Variants in ERBIN observed in about 807,000 individuals in gnomAD.
The protein encoded by ERBIN is densin-180-like protein.
In ERBIN, 60 loss-of-function variants were observed where a neutral mutation model predicts 158.4. That is an observed-to-expected ratio of 0.38 (90% CI 0.31 to 0.47). The LOEUF is 0.47. ERBIN is among the 20% of genes least tolerant of loss of function. The pLI is 0.99. For synonymous variants in ERBIN, 594 were observed against 557.2 expected (o/e 1.07, Z -0.93); for missense variants, 1,610 against 1,648.0 (o/e 0.98, Z 0.40).
At chr5:66,064,544 C>T (rs1303316996) in intron 21 of ERBIN, among the ~76,000 whole-genome samples, 1 of 152,086 alleles carries the variant, frequency 6.6e-6, no homozygotes, top group Non-Finnish European at 1.5e-5. Flanking sequence ...AGAGGAATGA[C>T]TTTAAAAGCC....
At chr5:66,069,512 G>A (rs1469211253) in intron 21 of ERBIN, among the ~76,000 whole-genome samples, 1 of 152,170 alleles carries the variant, frequency 6.6e-6, no homozygotes, top group Non-Finnish European at 1.5e-5. Flanking sequence ...AAGTGTCAGT[G>A]AAAAGACAAA....
At position 65,965,895 on chromosome 5, in the gene ERBIN, A is replaced by C. The variant is rs144069025; in HGVS notation, c.-57-22740A>C. Among the ~76,000 whole-genome samples the C allele has an allele frequency of 7.6e-3, 1,158 of 152,344 alleles. 7 individuals carry two copies. Among genetic ancestry groups the C allele is most frequent in the South Asian group, 0.038 (184 of 4,826 alleles). On this transcript the variant is annotated intron_variant, in intron 1 of 25. Transcript: ENST00000284037. Reference sequence around the variant, plus strand: ...CCAGACATCTTGTATATATTTAGTCATGCCTGTATCCTCTTGATAAATCCA... The same window carrying C: ...CCAGACATCTTGTATATATTTAGTCCTGCCTGTATCCTCTTGATAAATCCA...
At chr5:66,073,634 A>G (rs1761723096) in intron 22 of ERBIN, among the ~76,000 whole-genome samples, 2 of 152,182 alleles carry the variant, frequency 1.3e-5, no homozygotes, top group Admixed American at 6.5e-5. Flanking sequence ...TCTTTCAGCA[A>G]GGTTCACCAA....
At chr5:66,066,841 G>T (rs7718396) in intron 21 of ERBIN, among the ~76,000 whole-genome samples, 2,667 of 152,306 alleles carry the variant, frequency 0.018, 81 homozygotes, top group African/African-American at 0.061. Context: ...ACTCTACAAT[G>T]TGTTGTGACA....
chr5:65,986,551 G>A (rs1369106532), intron 1 of ERBIN, among the ~76,000 whole-genome samples: 1 of 152,164 alleles, frequency 6.6e-6, no homozygotes, highest in Non-Finnish European at 1.5e-5. Context: ...TGTATTTAGG[G>A]CAATTCTGAA....
rs141145356 is a variant in ERBIN at position 66,053,890 on chromosome 5, C to T, written c.2572C>T (p.Pro858Ser). 1.9e-6 allele frequency: 3 copies of T among 1,613,966 alleles called. No individual in the cohort carries two copies. Among genetic ancestry groups the T allele is most frequent in the African/African-American group, 2.7e-5 (2 of 74,920 alleles). ...GISKSTEDLS[P>S]QKSGPVGSVV... is the part of the protein sequence containing the mutation. The stretch of plus-strand genomic sequence containing the variant: ...TTCCAAAAGCACTGAAGATCTCTCC[C>T]CTCAGAAAAGTGGTCCAGTTGGATC... The change falls in exon 21 of 26, where the codon CCT becomes TCT. Residue 858 changes from proline (P) to serine (S), a missense_variant. This residue lies in a region of ERBIN where 1,014 missense variants were observed against 936.1 expected (regional missense o/e 1.08). Transcript: ENST00000284037.
chr5:65,981,945 G>A (rs1243694956), intron 1 of ERBIN, among the ~76,000 whole-genome samples: 3 of 152,202 alleles, frequency 2.0e-5, no homozygotes, highest in Admixed American at 1.3e-4. Flanking sequence ...TGGGGAAATA[G>A]ATTCTATGGC....
At chr5:66,024,532 G>A in intron 10 of ERBIN, 82 bp downstream of exon 10, 1 of 1,375,572 alleles carries the variant, frequency 7.3e-7, no homozygotes, top group East Asian at 2.4e-5. Flanking sequence ...CACTTGTTAT[G>A]AGGTAGTTAT....
chr5:66,049,747 A>G (rs552572895), intron 19 of ERBIN, among the ~76,000 whole-genome samples: 35 of 152,180 alleles, frequency 2.3e-4, no homozygotes, highest in Middle Eastern at 6.8e-3. Flanking sequence ...GGATATGTCT[A>G]TATACACTAT....
At chr5:65,942,675 A>C (rs1745201282) in intron 1 of ERBIN, among the ~76,000 whole-genome samples, 1 of 152,258 alleles carries the variant, frequency 6.6e-6, no homozygotes, top group Non-Finnish European at 1.5e-5. Flanking sequence ...CTGTAATCCC[A>C]GCACTTTGGG....
At position 66,077,730 on chromosome 5, in the gene ERBIN, T is replaced by C. The variant is rs43210; in HGVS notation, c.4132-693T>C. Among the ~76,000 whole-genome samples the C allele has an allele frequency of 2.1e-3, 322 of 150,128 alleles. 2 individuals carry two copies. Among genetic ancestry groups the C allele is most frequent in the African/African-American group, 7.7e-3 (316 of 41,216 alleles). The stretch of plus-strand genomic sequence containing the variant: ...ATTGTCTTTATCATTTATTCTCCTC[T>C]TTCTTCTCTTTTTCTCCCTCCCTCC... On this transcript the variant is annotated intron_variant, in intron 25 of 25. Transcript: ENST00000284037.
At chr5:65,943,833 A>C (rs1745381203) in intron 1 of ERBIN, among the ~76,000 whole-genome samples, 1 of 152,172 alleles carries the variant, frequency 6.6e-6, no homozygotes, top group East Asian at 1.9e-4. Context: ...CTTTAACTCT[A>C]TACCCATTAA....
chr5:65,941,566 A>G (rs1054315553), intron 1 of ERBIN, among the ~76,000 whole-genome samples: 1 of 152,108 alleles, frequency 6.6e-6, no homozygotes, highest in African/African-American at 2.4e-5. Context: ...AATTATGTAT[A>G]TCATTAAATG....
At chr5:65,992,968 A>G in intron 3 of ERBIN, 61 bp downstream of exon 3, 2 of 1,238,854 alleles carry the variant, frequency 1.6e-6, no homozygotes, top group South Asian at 1.8e-5. Context: ...GAAATATGAT[A>G]TTCCTAATAT....
At chr5:66,021,297 T>A (rs1755657745) in intron 7 of ERBIN, 25 bp from the exon 8 acceptor site, 1 of 1,482,774 alleles carries the variant, frequency 6.7e-7, no homozygotes, top group Non-Finnish European at 9.3e-7. Context: ...TTCTAGTTAA[T>A]TTTTCATTAC....
chr5:65,984,141 C>T (rs72770207), intron 1 of ERBIN, among the ~76,000 whole-genome samples: 1 of 142,212 alleles, frequency 7.0e-6, no homozygotes, highest in African/African-American at 3.1e-5. Context: ...CAAGGAATAA[C>T]TGACTCCTCT....
At chr5:66,013,311 T>G (rs115599282) in intron 5 of ERBIN, among the ~76,000 whole-genome samples, 1,693 of 152,300 alleles carry the variant, frequency 0.011, 27 homozygotes, top group African/African-American at 0.037. Flanking sequence ...TTGTTCATAT[T>G]TTACATTATT....
intron 21 of ERBIN, among the ~76,000 whole-genome samples, chr5:66,061,238 G>T (rs1760268341): frequency 2.0e-5 from 3 of 151,760 alleles, no homozygotes; most frequent in Admixed American, 1.3e-4. Context: ...CCTGTATTGG[G>T]TGCATATATA....
At chr5:65,946,832 A>C (rs1745820731) in intron 1 of ERBIN, among the ~76,000 whole-genome samples, 1 of 151,302 alleles carries the variant, frequency 6.6e-6, no homozygotes, top group Non-Finnish European at 1.5e-5. Flanking sequence ...TCTTATAGAT[A>C]AGGAGTATAT....
Sources: allele counts gnomAD v4.1 joint callset (sites outside exome capture counted in the v4.1 genomes callset), GRCh38; gene constraint gnomAD v4.1.1; regional missense constraint gnomAD v4.1.1; transcripts MANE v1.5; gene names NCBI Gene and HGNC (gene_info 2026-07-23, HGNC 2026-07-21).